Variants in SERGEF observed in about 807,000 individuals in gnomAD.
SERGEF encodes secretion-regulating guanine nucleotide exchange factor.
In SERGEF, 51 loss-of-function variants were observed where a neutral mutation model predicts 50.0. The ratio of observed to expected loss-of-function variants is 1.02; its 90% CI spans 0.81 to 1.29. The LOEUF (loss-of-function observed/expected upper bound fraction) is 1.29. Ranked by LOEUF, SERGEF falls within the 50% of genes most tolerant of loss-of-function variation. SERGEF has a pLI of 0.00. For synonymous variants in SERGEF, 205 were observed against 212.4 expected (o/e 0.97, Z 0.30); for missense variants, 521 against 557.0 (o/e 0.94, Z 0.65).
intron 10 of SERGEF, among the ~76,000 whole-genome samples, chr11:17,817,165 T>G (rs1345229909): frequency 6.6e-6 from 1 of 152,070 alleles, no homozygotes; most frequent in African/African-American, 2.4e-5. Context: ...TACTGAGAAC[T>G]TACAATGTAT....
chr11:17,887,973 G>A (rs1425247091), intron 9 of SERGEF, among the ~76,000 whole-genome samples: 2 of 152,258 alleles, frequency 1.3e-5, no homozygotes, highest in East Asian at 3.9e-4. Flanking sequence ...GCTTCCCATC[G>A]CTCACATTAC....
At chr11:17,901,491 C>T (rs920577866) in intron 9 of SERGEF, among the ~76,000 whole-genome samples, 6 of 152,218 alleles carry the variant, frequency 3.9e-5, no homozygotes, top group African/African-American at 1.4e-4. Context: ...CTACATCCCA[C>T]CACATCTTCC....
chr11:17,957,259 C>G (rs965893920), intron 9 of SERGEF, among the ~76,000 whole-genome samples: 3 of 152,158 alleles, frequency 2.0e-5, no homozygotes. Flanking sequence ...ACTGTGGCTA[C>G]CACATGGCAT....
At chr11:17,791,710 T>C (rs1307827507) in intron 10 of SERGEF, among the ~76,000 whole-genome samples, 1 of 152,246 alleles carries the variant, frequency 6.6e-6, no homozygotes, top group Non-Finnish European at 1.5e-5. Flanking sequence ...TACTTAGCAT[T>C]TCTATATCTC....
At chr11:17,896,308 C>T (rs1407465638) in intron 9 of SERGEF, among the ~76,000 whole-genome samples, 1 of 151,928 alleles carries the variant, frequency 6.6e-6, no homozygotes, top group African/African-American at 2.4e-5. Flanking sequence ...TGTTTGCATG[C>T]ATTAGCTCAT....
intron 10 of SERGEF, among the ~76,000 whole-genome samples, chr11:17,827,577 C>T (rs1399268906): frequency 6.6e-6 from 1 of 152,186 alleles, no homozygotes; most frequent in Non-Finnish European, 1.5e-5. Context: ...AGCACAATCT[C>T]CTACTTGCCT....
chr11:17,937,118 TTAA>T lies in SERGEF; in HGVS notation c.1011+22349_1011+22351del, dbSNP rs1469463313. The stretch of plus-strand genomic sequence containing the variant: ...ATGTTAAATAGTTACTTTATAATAT[TTAA>T]TAATATAGATAAATGTTCCTAATAT... On this transcript the variant is annotated intron_variant, in intron 9 of 10. Transcript: ENST00000265965. Among the ~76,000 whole-genome samples, 9 of 152,124 alleles carry T rather than the reference TTAA, an allele frequency of 5.9e-5. No homozygotes were observed. In the East Asian group the frequency reaches 1.4e-3, roughly 23 times the overall value.
In SERGEF at chr11:17,820,006, TA is replaced by T. The variant is rs368451455; in HGVS notation, c.1049-31594del. Among the ~76,000 whole-genome samples, 370 of 150,570 alleles carry T rather than the reference TA, an allele frequency of 2.5e-3. 2 individuals carry two copies. Among genetic ancestry groups the T allele is most frequent in the African/African-American group, 8.3e-3 (344 of 41,366 alleles). On this transcript the variant is annotated intron_variant, in intron 10 of 10. Transcript: ENST00000265965. ...GTGCACACCACCACACTTGGCTAAT[TA>T]AAAAAAAATTTTTTTTTGTAGAGGC...
chr11:17,907,574 C>T (rs1362253032), intron 9 of SERGEF, among the ~76,000 whole-genome samples: 1 of 152,220 alleles, frequency 6.6e-6, no homozygotes, highest in African/African-American at 2.4e-5. Context: ...TGAGATAGCT[C>T]CGCAAATAAG....
intron 10 of SERGEF, among the ~76,000 whole-genome samples, chr11:17,799,951 CT>C (rs1256327038): frequency 6.6e-6 from 1 of 152,178 alleles, no homozygotes; most frequent in Non-Finnish European, 1.5e-5. Context: ...AGATGAGGTC[CT>C]GGAAAGATTT....
intron 10 of SERGEF, chr11:17,874,114 G>T (rs993613831): frequency 6.6e-6 from 1 of 152,394 alleles, no homozygotes; most frequent in African/African-American, 2.4e-5. Context: ...GATGTGGAAA[G>T]AAATCCTAGG....
At chr11:17,843,959 T>C (rs547290571) in intron 10 of SERGEF, among the ~76,000 whole-genome samples, 1 of 152,200 alleles carries the variant, frequency 6.6e-6, no homozygotes, top group Non-Finnish European at 1.5e-5. Context: ...TGGAGGACTA[T>C]CAGAACTAAA....
At chr11:17,908,297 C>T (rs1851888440) in intron 9 of SERGEF, among the ~76,000 whole-genome samples, 1 of 152,164 alleles carries the variant, frequency 6.6e-6, no homozygotes, top group South Asian at 2.1e-4. Flanking sequence ...TGCTGAAGTG[C>T]TTGCAGTTTC....
chr11:17,963,077 G>T (rs190749028), intron 8 of SERGEF, among the ~76,000 whole-genome samples: 1 of 151,414 alleles, frequency 6.6e-6, no homozygotes, highest in East Asian at 2.0e-4. Context: ...AGCTACTGGG[G>T]AGGCTGAGGT....
At chr11:17,799,772 C>T (rs1181080138) in intron 10 of SERGEF, among the ~76,000 whole-genome samples, 1 of 152,180 alleles carries the variant, frequency 6.6e-6, no homozygotes, top group African/African-American at 2.4e-5. Flanking sequence ...AGAATTCTCC[C>T]TAGAAGTTCC....
intron 7 of SERGEF, 98 bp downstream of exon 7, chr11:17,992,833 G>C (rs1853745371): frequency 9.2e-7 from 1 of 1,081,284 alleles, no homozygotes; most frequent in Non-Finnish European, 1.4e-6. Flanking sequence ...TAGCTCCAAA[G>C]TCTATGACAT....
chr11:17,975,779 C>T (rs948721277), intron 8 of SERGEF, among the ~76,000 whole-genome samples: 16 of 152,292 alleles, frequency 1.1e-4, no homozygotes, highest in African/African-American at 2.2e-4. Context: ...CACAGAGTAA[C>T]GCCTCAACAA....
intron 9 of SERGEF, among the ~76,000 whole-genome samples, chr11:17,918,116 T>C (rs1309165839): frequency 6.6e-6 from 1 of 152,198 alleles, no homozygotes; most frequent in Non-Finnish European, 1.5e-5. Flanking sequence ...GTACAGCTGA[T>C]CATCTCTGTA....
chr11:17,865,225 G>T (rs1210250014), intron 10 of SERGEF, among the ~76,000 whole-genome samples: 1 of 152,142 alleles, frequency 6.6e-6, no homozygotes, highest in African/African-American at 2.4e-5. Context: ...TTGTGATGAT[G>T]CTGGTGTAAA....
Sources: gnomAD v4.1 joint callset for allele counts (sites outside exome capture counted in the v4.1 genomes callset) on GRCh38, gnomAD v4.1.1 for gene constraint, MANE v1.5 for transcripts, NCBI Gene and HGNC (gene_info 2026-07-23, HGNC 2026-07-21) for gene names.